PCDHGB3: variants seen among roughly 807,000 people sequenced by gnomAD.
PCDHGB3 encodes protocadherin gamma-B3.
PCDHGB3 carries 40 observed loss-of-function variants against 59.2 expected under a neutral mutation model. The ratio of observed to expected loss-of-function variants is 0.68; its 90% CI spans 0.52 to 0.88. The LOEUF (loss-of-function observed/expected upper bound fraction) is 0.88. PCDHGB3 is among the 40% of genes least tolerant of loss of function. The pLI, the probability that PCDHGB3 is intolerant of heterozygous loss-of-function variation, is 0.00. For missense variants in PCDHGB3, 1,309 were observed against 1,187.9 expected (o/e 1.10, Z -1.50); for synonymous variants, 581 against 503.6 (o/e 1.15, Z -2.06).
At chr5:141,410,370 C>T (rs780808768) in intron 1 of PCDHGB3, 2 of 1,614,060 alleles carry the variant, frequency 1.2e-6, no homozygotes, top group South Asian at 2.2e-5. Flanking sequence ...AGCCCTGCTA[C>T]TTGGGACTGC....
rs1768669184 is a variant in PCDHGB3, at chr5:141,372,327, A to G, written c.1933A>G (p.Thr645Ala). 3.7e-6 allele frequency: 6 copies of G among 1,613,586 alleles called. No individual in the cohort carries two copies. Among genetic ancestry groups the G allele is most frequent in the Admixed American group, 1.7e-5 (1 of 60,016 alleles). ...GGCCGCCCGCCAGCGCCTGCTGGTCACTGTGCGTGATGGAGGACAGCAGCC... is the reference window on the plus strand; with the variant it reads ...GGCCGCCCGCCAGCGCCTGCTGGTCGCTGTGCGTGATGGAGGACAGCAGCC... Reference protein sequence around the residue: ...REAARQRLLVTVRDGGQQPLS... With the variant: ...REAARQRLLVAVRDGGQQPLS... Residue 645 changes from threonine to alanine, a missense_variant, in exon 1 of 4, where the codon ACT becomes GCT. By Grantham distance (58) the Thr-to-Ala change is moderately conservative. Coordinates refer to ENST00000576222, the MANE Select transcript of PCDHGB3 (RefSeq NM_018924.5).
intron 1 of PCDHGB3, chr5:141,375,877 G>C (rs752155500): frequency 3.1e-6 from 5 of 1,613,794 alleles, no homozygotes; most frequent in South Asian, 1.1e-5. Flanking sequence ...ACAGAGACTC[G>C]GGCCAGAACG....
intron 1 of PCDHGB3, among the ~76,000 whole-genome samples, chr5:141,443,859 GAA>G (rs2098408229): frequency 6.6e-6 from 1 of 152,104 alleles, no homozygotes; most frequent in Non-Finnish European, 1.5e-5. Context: ...TCTGAAAACT[GAA>G]AAAATTACTG....
At chr5:141,506,103 C>T (rs1001709380) in intron 3 of PCDHGB3, among the ~76,000 whole-genome samples, 2 of 152,144 alleles carry the variant, frequency 1.3e-5, no homozygotes, top group Admixed American at 1.3e-4. Context: ...GTGGTTGTCC[C>T]TGAAGAGTCA....
chr5:141,376,118 G>T, intron 1 of PCDHGB3: 1 of 1,613,826 alleles, frequency 6.2e-7, no homozygotes, highest in Non-Finnish European at 8.5e-7. Context: ...GGGCAGCCTC[G>T]AGCCCTCCGC....
chr5:141,455,924 G>A (rs2098837630), intron 1 of PCDHGB3, among the ~76,000 whole-genome samples: 1 of 149,978 alleles, frequency 6.7e-6, no homozygotes. Flanking sequence ...TTGAGACGGA[G>A]TCTCGCTCTG....
chr5:141,425,119 T>G (rs1234720658), intron 1 of PCDHGB3, among the ~76,000 whole-genome samples: 1 of 152,220 alleles, frequency 6.6e-6, no homozygotes, highest in Non-Finnish European at 1.5e-5. Context: ...ACATTTTTCT[T>G]GAAGTCAAGA....
intron 1 of PCDHGB3, among the ~76,000 whole-genome samples, chr5:141,456,859 A>C (rs2098893194): frequency 6.6e-6 from 1 of 152,152 alleles, no homozygotes; most frequent in Admixed American, 6.6e-5. Context: ...GCTAATTGGG[A>C]GGCTGAGGCA....
At chr5:141,473,102 C>T (rs1465515592) in intron 1 of PCDHGB3, among the ~76,000 whole-genome samples, 1 of 152,054 alleles carries the variant, frequency 6.6e-6, no homozygotes, top group Non-Finnish European at 1.5e-5. Flanking sequence ...AGTTGTATTA[C>T]CACACTTTAC....
chr5:141,390,101 CA>C (rs1212774339), intron 1 of PCDHGB3: 8 of 1,613,946 alleles, frequency 5.0e-6, no homozygotes, highest in Non-Finnish European at 6.8e-6. Flanking sequence ...TGGTTCCCCC[CA>C]ACTACAGCGA....
At chr5:141,483,186 A>G (rs2099578047) in intron 1 of PCDHGB3, among the ~76,000 whole-genome samples, 1 of 152,174 alleles carries the variant, frequency 6.6e-6, no homozygotes, top group Non-Finnish European at 1.5e-5. Flanking sequence ...CAAGCCAAGG[A>G]GTTTTTATTT....
intron 1 of PCDHGB3, chr5:141,409,291 A>G: frequency 6.2e-7 from 1 of 1,614,000 alleles, no homozygotes; most frequent in Non-Finnish European, 8.5e-7. Context: ...CACCTCCAGG[A>G]ATGGTTGTTG....
At chr5:141,399,806 A>G in intron 1 of PCDHGB3, 1 of 1,613,106 alleles carries the variant, frequency 6.2e-7, no homozygotes, top group Non-Finnish European at 8.5e-7. Context: ...CGGGTGCTGT[A>G]CCCCGCGCTG....
At chr5:141,383,174 G>A in intron 1 of PCDHGB3, 6 of 1,614,084 alleles carry the variant, frequency 3.7e-6, no homozygotes, top group South Asian at 2.2e-5. Flanking sequence ...AGGATAGACC[G>A]GGAAGAGATC....
intron 1 of PCDHGB3, chr5:141,426,692 C>T: frequency 2.3e-6 from 1 of 435,472 alleles, no homozygotes; most frequent in Non-Finnish European, 4.7e-6. Flanking sequence ...CCCAAAATAG[C>T]ATTGTTTTAC....
Position 141,489,276 on chromosome 5 carries a change from AT to A in PCDHGB3, c.2416-5530del, listed in dbSNP as rs2099684949. 1.9e-6 allele frequency: 3 copies of A among 1,556,004 alleles called. No homozygotes were observed. Among genetic ancestry groups the A allele is most frequent in the Non-Finnish European group, 2.6e-6 (3 of 1,151,570 alleles). ...AGACACTCCCACAGCTCGCTGGGAA[AT>A]GGCAAGTGCTGTGCATGTTGTCCTT... On this transcript the variant is annotated intron_variant, in intron 1 of 3. Coordinates refer to ENST00000576222, the MANE Select transcript of PCDHGB3 (RefSeq NM_018924.5). This position sits in a 1 kb window ranked among gnomAD's most constrained non-coding sequence, Gnocchi z 4.5.
At chr5:141,376,518 T>G in intron 1 of PCDHGB3, 1 of 1,613,924 alleles carries the variant, frequency 6.2e-7, no homozygotes, top group Non-Finnish European at 8.5e-7. Context: ...GTGAGTTTCT[T>G]TCCGCCTAAG....
intron 1 of PCDHGB3, among the ~76,000 whole-genome samples, chr5:141,382,409 G>A (rs1360537214): frequency 6.6e-6 from 1 of 152,188 alleles, no homozygotes; most frequent in Non-Finnish European, 1.5e-5. Context: ...GCAATAACGT[G>A]TGAGTCAGTG....
At chr5:141,453,608 C>T (rs1015022396) in intron 1 of PCDHGB3, among the ~76,000 whole-genome samples, 6 of 152,068 alleles carry the variant, frequency 3.9e-5, no homozygotes, top group South Asian at 2.1e-4. Context: ...TTTTGCAAAA[C>T]GCAAAAACAA....
Sources: gnomAD v4.1 joint callset for allele counts (sites outside exome capture counted in the v4.1 genomes callset) on GRCh38, gnomAD v4.1.1 for gene constraint, Gnocchi (gnomAD v3.1) non-coding constraint, MANE v1.5 for transcripts, NCBI Gene and HGNC (gene_info 2026-07-23, HGNC 2026-07-21) for gene names.